THADA: variants seen among roughly 807,000 people sequenced by gnomAD.
THADA encodes the protein THADA armadillo repeat containing.
Under a neutral mutation model 219.8 loss-of-function variants are expected in THADA, and 213 were observed. The observed-to-expected ratio is 0.97, with a 90% CI of 0.87 to 1.09. THADA has a LOEUF of 1.09. THADA is among the 50% of genes least tolerant of loss of function. The pLI is 0.00. For synonymous variants in THADA, 1,018 were observed against 828.9 expected, an observed-to-expected ratio of 1.23 and a Z score of -3.92; for missense variants, 2,956 against 2,311.3, an observed-to-expected ratio of 1.28 and a Z score of -5.72.
At chr2:43,256,819 T>A (rs1670364459) in intron 36 of THADA, among the ~76,000 whole-genome samples, 1 of 152,126 alleles carries the variant, frequency 6.6e-6, no homozygotes, top group Non-Finnish European at 1.5e-5. Context: ...GCTCAAGTGA[T>A]CCTTCTACCT....
rs542115999 is a variant in THADA, at chr2:43,532,236, AC to A, written c.3265-4249del. 3.4e-4 allele frequency among the ~76,000 whole-genome samples: 51 copies of A among 151,348 alleles called. 1 individual carries two copies. The East Asian group carries it at 7.2e-3, about 21-fold the overall frequency. ...AGTCCAGCCTGGACAACACAGTAAAACCCCCGTCTCTACTAAAATACAAAAT... is the reference window on the plus strand; with the variant it reads ...AGTCCAGCCTGGACAACACAGTAAAACCCCGTCTCTACTAAAATACAAAAT... On this transcript the variant is annotated intron_variant, in intron 21 of 37. Transcript: ENST00000405975.
intron 11 of THADA, 141 bp downstream of exon 11, chr2:43,574,195 A>G (rs1574323194): frequency 4.4e-6 from 3 of 682,496 alleles, no homozygotes; most frequent in East Asian, 5.8e-5. Flanking sequence ...TTCGTTTCAA[A>G]CTGAAACATC....
chr2:43,462,777 T>C (rs906089329), intron 26 of THADA, among the ~76,000 whole-genome samples: 7 of 152,022 alleles, frequency 4.6e-5, no homozygotes, highest in African/African-American at 1.7e-4. Flanking sequence ...GAACTCCAAA[T>C]CAAAATCACA....
At chr2:43,312,944 A>T (rs920974401) in intron 31 of THADA, among the ~76,000 whole-genome samples, 9 of 152,242 alleles carry the variant, frequency 5.9e-5, no homozygotes, top group South Asian at 4.1e-4. Context: ...TAAAATGGAA[A>T]TAGTTAAATT....
rs530038354 is a variant in THADA, at chr2:43,397,836, G to A, written c.4227+135C>T. 650 of 799,536 alleles carry A rather than the reference G, an allele frequency of 8.1e-4. 11 individuals carry two copies. The South Asian group carries it at 0.012, about 15-fold the overall frequency. 49.5% of individuals were successfully genotyped at this position (799,536 alleles called of 1,614,324 possible). On this transcript the variant is annotated intron_variant, in intron 29 of 37. Transcript: ENST00000405975. ...ATAACTAGGAGATACCTGATCTTTC[G>A]GAAGTAGAAAAAAAAAAGTTCTACA...
At chr2:43,586,012 C>G (rs1240173284) in intron 7 of THADA, among the ~76,000 whole-genome samples, 4 of 152,106 alleles carry the variant, frequency 2.6e-5, no homozygotes, top group Non-Finnish European at 5.9e-5. Context: ...CGCCTGTAAT[C>G]TCAACACTTC....
intron 28 of THADA, among the ~76,000 whole-genome samples, chr2:43,424,929 C>T (rs1375577564): frequency 1.3e-5 from 2 of 152,144 alleles, no homozygotes; most frequent in Non-Finnish European, 2.9e-5. Flanking sequence ...CAGATCCCAC[C>T]ATTGGTAGAG....
At chr2:43,457,517 C>G (rs1372346530) in intron 26 of THADA, among the ~76,000 whole-genome samples, 1 of 151,986 alleles carries the variant, frequency 6.6e-6, no homozygotes, top group Non-Finnish European at 1.5e-5. Context: ...AACAAGGAGC[C>G]TAGAAAAATG....
intron 11 of THADA, 35 bp downstream of exon 11, chr2:43,574,301 T>C: frequency 7.1e-7 from 1 of 1,414,912 alleles, no homozygotes; most frequent in Non-Finnish European, 9.4e-7. Context: ...GCATCATAAT[T>C]AGAAACTACT....
chr2:43,525,349 G>A (rs1216661842), intron 22 of THADA, among the ~76,000 whole-genome samples: 1 of 152,330 alleles, frequency 6.6e-6, no homozygotes, highest in South Asian at 2.1e-4. Flanking sequence ...TTGCCACTTT[G>A]CTGTCAAAAG....
intron 36 of THADA, among the ~76,000 whole-genome samples, chr2:43,240,810 T>TA (rs1668540307): frequency 6.6e-6 from 1 of 152,210 alleles, no homozygotes; most frequent in Non-Finnish European, 1.5e-5. Flanking sequence ...TGTTTGTGGT[T>TA]AACAGTCTCT....
chr2:43,335,094 T>C (rs1666254573), intron 30 of THADA, among the ~76,000 whole-genome samples: 2 of 152,188 alleles, frequency 1.3e-5, no homozygotes, highest in Admixed American at 6.5e-5. Flanking sequence ...ACGTACTCTG[T>C]CCCCTGGGAG....
chr2:43,446,602 G>A (rs955135486), intron 26 of THADA, among the ~76,000 whole-genome samples: 4 of 152,200 alleles, frequency 2.6e-5, no homozygotes, highest in East Asian at 1.9e-4. Flanking sequence ...AACACATGGC[G>A]AAGAAGGACT....
intron 28 of THADA, among the ~76,000 whole-genome samples, chr2:43,424,092 T>C (rs1357475198): frequency 6.6e-6 from 1 of 152,170 alleles, no homozygotes; most frequent in Non-Finnish European, 1.5e-5. Flanking sequence ...ATACAAGATG[T>C]TGGGATTGAC....
At chr2:43,453,953 A>T (rs957972527) in intron 26 of THADA, among the ~76,000 whole-genome samples, 1 of 152,144 alleles carries the variant, frequency 6.6e-6, no homozygotes, top group South Asian at 2.1e-4. Flanking sequence ...GGAGTGCAGT[A>T]AAGCAGTCAT....
At chr2:43,378,381 C>T (rs1178597037) in intron 29 of THADA, among the ~76,000 whole-genome samples, 1 of 152,060 alleles carries the variant, frequency 6.6e-6, no homozygotes, top group Non-Finnish European at 1.5e-5. Flanking sequence ...AAAGAATATT[C>T]TGGAATTTAA....
intron 4 of THADA, among the ~76,000 whole-genome samples, chr2:43,590,331 C>A (rs1262622337): frequency 6.6e-6 from 1 of 151,948 alleles, no homozygotes; most frequent in African/African-American, 2.4e-5. Flanking sequence ...AAACTACAGC[C>A]CACAGCCTGT....
intron 29 of THADA, among the ~76,000 whole-genome samples, chr2:43,364,581 G>C (rs893350654): frequency 5.9e-5 from 9 of 152,184 alleles, no homozygotes; most frequent in African/African-American, 1.9e-4. Context: ...ACTGCACTAG[G>C]CATTCTATTA....
intron 26 of THADA, among the ~76,000 whole-genome samples, chr2:43,436,833 A>C (rs555581961): frequency 2.2e-4 from 33 of 152,292 alleles, no homozygotes; most frequent in African/African-American, 7.5e-4. Context: ...AGGAGTACTA[A>C]GTGTGTCCTT....
Sources: gnomAD v4.1 joint callset for allele counts (sites outside exome capture counted in the v4.1 genomes callset) on GRCh38, gnomAD v4.1.1 for gene constraint, MANE v1.5 for transcripts, NCBI Gene and HGNC (gene_info 2026-07-23, HGNC 2026-07-21) for gene names.